The following SCHIP1 variants were observed in gnomAD, a reference collection of about 807,000 sequenced individuals.
SCHIP1 encodes the protein schwannomin interacting protein 1.
SCHIP1 carries 8 observed loss-of-function variants against 29.7 expected under a neutral mutation model. The ratio of observed to expected loss-of-function variants is 0.27; its 90% CI spans 0.16 to 0.49. The LOEUF is 0.49. SCHIP1 is among the 20% of genes least tolerant of loss of function. SCHIP1 has a pLI of 0.99. For missense variants in SCHIP1, 193 were observed against 294.6 expected (o/e 0.66, Z 2.52); for synonymous variants, 76 against 94.9 (o/e 0.80, Z 1.16).
chr3:159,340,074 C>T, the SCHIP1 span, among the ~76,000 whole-genome samples: 1 of 152,094 alleles, frequency 6.6e-6, no homozygotes, highest in Non-Finnish European at 1.5e-5. Context: ...AATCAACTCT[C>T]AGTTGCTAGA....
the SCHIP1 span, among the ~76,000 whole-genome samples, chr3:159,771,876 A>G: frequency 1.3e-5 from 2 of 152,200 alleles, no homozygotes; most frequent in Admixed American, 6.5e-5. Context: ...ATCTTTGCCT[A>G]CCAATTAGTT....
At chr3:159,479,670 C>G in the SCHIP1 span, among the ~76,000 whole-genome samples, 1 of 152,094 alleles carries the variant, frequency 6.6e-6, no homozygotes, top group South Asian at 2.1e-4. Context: ...AAAAGGATTT[C>G]CCTGAATGGA....
At chr3:159,715,731 C>T in the SCHIP1 span, among the ~76,000 whole-genome samples, 2 of 152,078 alleles carry the variant, frequency 1.3e-5, no homozygotes, top group Non-Finnish European at 2.9e-5. Flanking sequence ...AACTAAGCCT[C>T]CAAGAAATAT....
chr3:159,816,043 G>A, the SCHIP1 span, among the ~76,000 whole-genome samples: 1 of 152,058 alleles, frequency 6.6e-6, no homozygotes, highest in Non-Finnish European at 1.5e-5. Flanking sequence ...CTGCCTCCCA[G>A]GTTCAAGCGA....
At chr3:159,719,114 C>G in the SCHIP1 span, among the ~76,000 whole-genome samples, 2 of 152,164 alleles carry the variant, frequency 1.3e-5, no homozygotes, top group African/African-American at 4.8e-5. Context: ...ACAAACCTGA[C>G]AAAAACAAGA....
At chr3:159,690,502 C>T in the SCHIP1 span, among the ~76,000 whole-genome samples, 4 of 152,114 alleles carry the variant, frequency 2.6e-5, no homozygotes, top group South Asian at 6.2e-4. Context: ...CTTTATTAGT[C>T]TGGCTAGCAG....
chr3:159,863,909 A>G, intron 1 of SCHIP1, among the ~76,000 whole-genome samples: 1 of 152,226 alleles, frequency 6.6e-6, no homozygotes, highest in African/African-American at 2.4e-5. Flanking sequence ...GGGTATATTC[A>G]CACATTCATA....
chr3:159,562,636 T>C, the SCHIP1 span, among the ~76,000 whole-genome samples: 1 of 152,206 alleles, frequency 6.6e-6, no homozygotes, highest in Non-Finnish European at 1.5e-5. Context: ...AAGAGTTAAG[T>C]AATGCCCTAG....
At chr3:159,295,360 T>TG in the SCHIP1 span, among the ~76,000 whole-genome samples, 1 of 140,678 alleles carries the variant, frequency 7.1e-6, no homozygotes, top group Non-Finnish European at 1.5e-5. Context: ...ACCCGGGAGG[T>TG]GGAGGTTGCA....
At chr3:159,327,434 G>A in the SCHIP1 span, among the ~76,000 whole-genome samples, 6 of 152,250 alleles carry the variant, frequency 3.9e-5, no homozygotes, top group East Asian at 1.2e-3. Flanking sequence ...GCAATATTGA[G>A]ATTATTAATA....
At chr3:159,801,358 AAAAG>A in the SCHIP1 span, among the ~76,000 whole-genome samples, 98 of 152,358 alleles carry the variant, frequency 6.4e-4, no homozygotes, top group Non-Finnish European at 1.2e-3. Flanking sequence ...GTTTGTAAGT[AAAAG>A]AAAGAAAGTA....
At chr3:159,511,189 C>T in the SCHIP1 span, among the ~76,000 whole-genome samples, 3 of 152,176 alleles carry the variant, frequency 2.0e-5, no homozygotes, top group African/African-American at 7.2e-5. Context: ...CGCCCAGCCT[C>T]GCTGCCGCCT....
chr3:159,772,810 A>G, the SCHIP1 span, among the ~76,000 whole-genome samples: 1 of 152,084 alleles, frequency 6.6e-6, no homozygotes, highest in Non-Finnish European at 1.5e-5. Context: ...GCGCAATCTC[A>G]GCTCACTGCA....
the SCHIP1 span, among the ~76,000 whole-genome samples, chr3:159,705,550 A>C: frequency 6.6e-6 from 1 of 152,164 alleles, no homozygotes; most frequent in African/African-American, 2.4e-5. Context: ...CAGCACTTGG[A>C]GTCAGGGATA....
the SCHIP1 span, among the ~76,000 whole-genome samples, chr3:159,431,345 A>G: frequency 6.6e-6 from 1 of 151,924 alleles, no homozygotes; most frequent in Non-Finnish European, 1.5e-5. Context: ...GAGTAGAGGT[A>G]GCTGAGACAG....
chr3:159,411,041 C>T, the SCHIP1 span, among the ~76,000 whole-genome samples: 12 of 151,994 alleles, frequency 7.9e-5, no homozygotes, highest in East Asian at 1.9e-4. Context: ...ACAAACTTTG[C>T]GTGTTCTCAC....
the SCHIP1 span, among the ~76,000 whole-genome samples, chr3:159,366,459 C>CT: frequency 6.6e-6 from 1 of 152,184 alleles, no homozygotes; most frequent in Non-Finnish European, 1.5e-5. Context: ...GGTTCAAATC[C>CT]TTGTGTCAGC....
chr3:159,833,803 C>T, the SCHIP1 span, among the ~76,000 whole-genome samples: 2 of 152,216 alleles, frequency 1.3e-5, no homozygotes, highest in Non-Finnish European at 2.9e-5. Context: ...CCAACCCTCT[C>T]AGAATCAGTT....
the SCHIP1 span, among the ~76,000 whole-genome samples, chr3:159,499,396 C>A: frequency 1.3e-5 from 2 of 152,324 alleles, no homozygotes; most frequent in Admixed American, 1.3e-4. Flanking sequence ...CTTCTGCATA[C>A]ACCGTAACTT....
Sources: gnomAD v4.1 joint callset for allele counts (sites outside exome capture counted in the v4.1 genomes callset) on GRCh38, gnomAD v4.1.1 for gene constraint, MANE v1.5 for transcripts, NCBI Gene and HGNC (gene_info 2026-07-23, HGNC 2026-07-21) for gene names.